NAALADL2: variants seen among roughly 807,000 people sequenced by gnomAD.
NAALADL2 encodes N-acetylated alpha-linked acidic dipeptidase like 2.
A neutral mutation model predicts 87.2 loss-of-function variants in NAALADL2; 76 were observed. That is an observed-to-expected ratio of 0.87 (90% CI 0.72 to 1.05). The LOEUF (loss-of-function observed/expected upper bound fraction) is 1.05, where lower values mean the gene tolerates loss of function less well. Ranked by LOEUF, NAALADL2 falls within the 50% of genes least tolerant of loss-of-function variation. The pLI is 0.00. For synonymous variants in NAALADL2, 354 were observed against 331.0 expected (o/e 1.07, Z -0.75); for missense variants, 1,089 against 945.8 (o/e 1.15, Z -1.99).
At chr3:175,412,460 A>G (rs1713715633) in intron 5 of NAALADL2, among the ~76,000 whole-genome samples, 1 of 152,212 alleles carries the variant, frequency 6.6e-6, no homozygotes, top group African/African-American at 2.4e-5. Context: ...CTATTTGCTA[A>G]AGAACAATTC....
At chr3:175,583,067 A>C (rs1016779234) in intron 10 of NAALADL2, among the ~76,000 whole-genome samples, 4 of 152,186 alleles carry the variant, frequency 2.6e-5, no homozygotes, top group African/African-American at 9.7e-5. Context: ...AAATGCATTT[A>C]ATAAACCTAA....
At chr3:174,675,382 A>G (rs1347851140) in intron 2 of NAALADL2, among the ~76,000 whole-genome samples, 1 of 152,004 alleles carries the variant, frequency 6.6e-6, no homozygotes, top group Non-Finnish European at 1.5e-5. Flanking sequence ...GTGAAGAGAA[A>G]ATGTTAATTA....
At chr3:175,545,322 T>A (rs1216656417) in intron 9 of NAALADL2, among the ~76,000 whole-genome samples, 1 of 152,178 alleles carries the variant, frequency 6.6e-6, no homozygotes, top group Non-Finnish European at 1.5e-5. Context: ...ACTTGTAGTA[T>A]GAAATCTATA....
intron 4 of NAALADL2, among the ~76,000 whole-genome samples, chr3:175,289,139 GA>G (rs1451817573): frequency 6.6e-6 from 1 of 151,768 alleles, no homozygotes; most frequent in Non-Finnish European, 1.5e-5. Context: ...GCAATAATTA[GA>G]AAAAAATTAA....
intron 2 of NAALADL2, among the ~76,000 whole-genome samples, chr3:175,192,306 A>G (rs1047860979): frequency 2.0e-5 from 3 of 152,098 alleles, no homozygotes; most frequent in Admixed American, 2.0e-4. Context: ...TTACCATCAG[A>G]AAAATAAACT....
intron 1 of NAALADL2, among the ~76,000 whole-genome samples, chr3:174,916,269 T>A (rs1474182081): frequency 6.6e-6 from 1 of 152,270 alleles, no homozygotes; most frequent in East Asian, 1.9e-4. Context: ...GTGGTGGGAA[T>A]GTAAATTAGT....
chr3:174,586,531 G>C (rs1269591012), intron 2 of NAALADL2, among the ~76,000 whole-genome samples: 1 of 152,216 alleles, frequency 6.6e-6, no homozygotes, highest in African/African-American at 2.4e-5. Flanking sequence ...TCCAGTGGCA[G>C]TTGGCTGGAT....
chr3:175,108,568 C>G (rs894653755), intron 2 of NAALADL2, among the ~76,000 whole-genome samples: 2 of 151,822 alleles, frequency 1.3e-5, no homozygotes, highest in Non-Finnish European at 2.9e-5. Context: ...TTTCTTTGGT[C>G]GGTTTCATCA....
At chr3:175,043,887 G>C in intron 1 of NAALADL2, among the ~76,000 whole-genome samples, 1 of 152,084 alleles carries the variant, frequency 6.6e-6, no homozygotes, top group Non-Finnish European at 1.5e-5. Context: ...ACAAATTTTA[G>C]GATTGTTTCA....
intron 2 of NAALADL2, among the ~76,000 whole-genome samples, chr3:174,661,451 T>C (rs1725494095): frequency 6.6e-6 from 1 of 152,158 alleles, no homozygotes; most frequent in Non-Finnish European, 1.5e-5. Flanking sequence ...AATAACTTTT[T>C]ACTATAGTTA....
chr3:175,789,745 GAAA>G (rs34122258), intron 13 of NAALADL2, among the ~76,000 whole-genome samples: 6 of 151,804 alleles, frequency 4.0e-5, no homozygotes, highest in African/African-American at 1.5e-4. Context: ...TAAGTTTCAA[GAAA>G]AAAGGTGGAT....
At chr3:175,153,048 T>C (rs1303455949) in intron 2 of NAALADL2, among the ~76,000 whole-genome samples, 1 of 152,148 alleles carries the variant, frequency 6.6e-6, no homozygotes, top group African/African-American at 2.4e-5. Context: ...TATGCATACC[T>C]ATCTCTTATA....
At chr3:174,609,485 T>C (rs573836573) in intron 2 of NAALADL2, among the ~76,000 whole-genome samples, 2 of 152,182 alleles carry the variant, frequency 1.3e-5, no homozygotes, top group South Asian at 2.1e-4. Context: ...ACAAAATCAA[T>C]GTACAAAAAT....
At chr3:174,498,714 G>A (rs1031382009) in intron 1 of NAALADL2, among the ~76,000 whole-genome samples, 1 of 151,776 alleles carries the variant, frequency 6.6e-6, no homozygotes, top group Non-Finnish European at 1.5e-5. Context: ...GGTCTGCAGT[G>A]TATGAGAGTT....
Position 174,608,940 on chromosome 3 carries a change from C to A in NAALADL2, c.-115+58303C>A, listed in dbSNP as rs1329751324. ...TAAAATACTGGCAAACCAAATCCAG[C>A]AGCACATCAAAAAGCTTATCCACCA... is the stretch of plus-strand genomic sequence containing the variant. On this transcript the variant is annotated intron_variant, in intron 2 of 3. Transcript: ENST00000434257. 3.3e-5 allele frequency among the ~76,000 whole-genome samples: 5 copies of A among 151,748 alleles called. 1 individual carries two copies. Among genetic ancestry groups the A allele is most frequent in the Non-Finnish European group, 7.4e-5 (5 of 67,934 alleles).
At chr3:174,922,962 TC>T (rs1735453574) in intron 1 of NAALADL2, among the ~76,000 whole-genome samples, 1 of 152,190 alleles carries the variant, frequency 6.6e-6, no homozygotes, top group African/African-American at 2.4e-5. Flanking sequence ...TTCTTATCTT[TC>T]CCTTGTTCAT....
At chr3:175,443,359 G>T (rs1033886135) in intron 5 of NAALADL2, among the ~76,000 whole-genome samples, 16 of 152,194 alleles carry the variant, frequency 1.1e-4, no homozygotes, top group Admixed American at 1.0e-3. Flanking sequence ...GCATTCTAGA[G>T]AAAAATGGAA....
chr3:174,445,280 C>G (rs1028487417), intron 1 of NAALADL2, among the ~76,000 whole-genome samples: 2 of 152,022 alleles, frequency 1.3e-5, no homozygotes, highest in Non-Finnish European at 2.9e-5. Context: ...TGTAAATTAT[C>G]AGACACGCAA....
chr3:174,909,021 AG>A (rs1733339621), intron 1 of NAALADL2, among the ~76,000 whole-genome samples: 1 of 151,640 alleles, frequency 6.6e-6, no homozygotes. Context: ...AAAAAAAAAA[AG>A]ATCTCCTTAG....
Sources: gnomAD v4.1 joint callset for allele counts (sites outside exome capture counted in the v4.1 genomes callset) on GRCh38, gnomAD v4.1.1 for gene constraint, MANE v1.5 for transcripts, NCBI Gene and HGNC (gene_info 2026-07-23, HGNC 2026-07-21) for gene names.